Variants in EPN2 observed in about 807,000 individuals in gnomAD.
EPN2 encodes the protein epsin 2.
In EPN2, 34 loss-of-function variants were observed where a neutral mutation model predicts 61.7. The observed-to-expected ratio is 0.55, with a 90% CI of 0.42 to 0.73. EPN2 has a LOEUF of 0.73. Ranked by LOEUF, EPN2 falls within the 30% of genes least tolerant of loss-of-function variation. The probability of loss-of-function intolerance (pLI) is 0.00; values close to 1 mark genes in which losing one functional copy is unlikely to be tolerated. For synonymous variants in EPN2, 349 were observed against 353.6 expected (o/e 0.99, Z 0.15); for missense variants, 714 against 839.2 (o/e 0.85, Z 1.84).
At chr17:19,256,236 C>T (rs900364388) in intron 1 of EPN2, among the ~76,000 whole-genome samples, 4 of 151,942 alleles carry the variant, frequency 2.6e-5, no homozygotes, top group African/African-American at 9.7e-5. Context: ...CGCGCCTGGC[C>T]CCAGTCCTTC....
At position 19,279,079 on chromosome 17, in the gene EPN2, T is replaced by C. The variant is rs189308029; in HGVS notation, c.-293-2876T>C. Among the ~76,000 whole-genome samples, 47 of 152,254 alleles carry C rather than the reference T, an allele frequency of 3.1e-4. 1 individual carries two copies. The highest frequency in any genetic ancestry group is 1.6e-4 in the Non-Finnish European group (11 of 68,038). On this transcript the variant is annotated intron_variant, in intron 1 of 10. Transcript: ENST00000314728. Reference sequence around the variant, plus strand: ...CAGTATTTTATTATTTTATTAGCTTTTTCCTTTTTCCTGAAGTTTAAGTAT... The same window carrying C: ...CAGTATTTTATTATTTTATTAGCTTCTTCCTTTTTCCTGAAGTTTAAGTAT...
chr17:19,262,133 G>A (rs1394758073), intron 1 of EPN2, among the ~76,000 whole-genome samples: 2 of 152,168 alleles, frequency 1.3e-5, no homozygotes, highest in African/African-American at 4.8e-5. Context: ...GTTGCAATGA[G>A]CTGAGATTGT....
chr17:19,320,348 T>G (rs1458283452), intron 7 of EPN2, among the ~76,000 whole-genome samples: 3 of 152,132 alleles, frequency 2.0e-5, no homozygotes, highest in Non-Finnish European at 4.4e-5. Context: ...CAAATGTTGC[T>G]TGGATAGAAC....
rs778468077 is a variant in EPN2 at position 19,331,957 on chromosome 17, C to T, written c.1516C>T (p.Arg506Trp). Residue 506 changes from arginine (R) to tryptophan (W), a missense_variant, in exon 10 of 11, where the codon CGG (arginine) becomes TGG (tryptophan). Arg to Trp is a moderately radical substitution (Grantham distance 101, BLOSUM62 -3). Coordinates refer to ENST00000314728, the MANE Select transcript of EPN2 (RefSeq NM_014964.5). ...TVASSKPSSA[R>W]KTPESFLGPN... ...CGCCTCAAGCAAGCCCAGCAGTGCC[C>T]GGAAAACACCTGAGTCCTTCCTGGG... The T allele has an allele frequency of 8.1e-6, 13 of 1,614,170 alleles. No homozygotes were observed. Among genetic ancestry groups the T allele is most frequent in the Admixed American group, 1.7e-5 (1 of 60,026 alleles).
Position 19,283,591 on chromosome 17 carries a change from G to T in EPN2, c.472G>T (p.Ala158Ser). ...AACCAAAGAGCGCATGGCCCAGGTT[G>T]CCACTGGCATGGGCAGCAACCAGAT... ...LKTKERMAQV[A>S]TGMGSNQITF... Residue 158 changes from alanine (A) to serine (S), a missense_variant, in exon 3 of 11, where the codon GCC (alanine) becomes TCC (serine). By Grantham distance (99) the Ala-to-Ser change is moderately conservative. Transcript: ENST00000314728. The surrounding 1 kb of genome is among the most constrained non-coding windows in gnomAD (Gnocchi z 7.0). 2.5e-6 allele frequency: 4 copies of T among 1,614,192 alleles called. No individual in the cohort carries two copies. The South Asian group carries it at 4.4e-5, about 18-fold the overall frequency.
rs766795935 is a variant in EPN2, at chr17:19,328,727, C to G, written c.1164C>G (p.Ala388=). Residue 388 remains alanine (A), a synonymous_variant, in exon 8 of 11, where the codon GCC becomes GCG. Coordinates refer to ENST00000314728, the MANE Select transcript of EPN2 (RefSeq NM_014964.5). ...TTCCAACAGGTACCAAGCCAGCTGC[C>G]TCCATTGACCCATGGGGGGTGCCCA... ...PWPSFGTKPA[A]SIDPWGVPTG... is the part of the protein sequence containing the mutation. 1 of 1,608,946 alleles carries G rather than the reference C, an allele frequency of 6.2e-7. No individual in the cohort carries two copies. The highest frequency in any genetic ancestry group is 8.5e-7 in the Non-Finnish European group (1 of 1,176,894).
chr17:19,318,565 A>AAAAAAAAAAAAT (rs1469635695), intron 7 of EPN2, among the ~76,000 whole-genome samples: 1 of 145,282 alleles, frequency 6.9e-6, no homozygotes, highest in African/African-American at 2.5e-5. Flanking sequence ...AAAAAAAAAA[A>AAAAAAAAAAAAT]AAGAGTAGGG....
intron 4 of EPN2, among the ~76,000 whole-genome samples, chr17:19,289,724 G>GTTTTGTTT (rs772230550): frequency 2.6e-5 from 2 of 78,028 alleles, no homozygotes; most frequent in South Asian, 5.8e-4. Context: ...GGCGCTCATG[G>GTTTTGTTT]TTTTTTTTTT....
chr17:19,262,076 A>G (rs1389949790), intron 1 of EPN2, among the ~76,000 whole-genome samples: 1 of 152,132 alleles, frequency 6.6e-6, no homozygotes, highest in African/African-American at 2.4e-5. Flanking sequence ...AGTCCCAGCT[A>G]CTTGGGAGGC....
intron 7 of EPN2, among the ~76,000 whole-genome samples, chr17:19,328,375 C>T (rs2152239199): frequency 6.6e-6 from 1 of 152,198 alleles, no homozygotes; most frequent in East Asian, 1.9e-4. Context: ...GATAGTCCAT[C>T]GAAGTGGGGT....
chr17:19,312,293 G>A lies in EPN2; in HGVS notation c.972+149G>A, dbSNP rs1906180242. ...TCATGCCTGTAGTGAGCGAGAGCCA[G>A]GTGAGCAAGCGACTGAAAACACACC... On this transcript the variant is annotated intron_variant, in intron 6 of 10. Coordinates refer to ENST00000314728, the MANE Select transcript of EPN2 (RefSeq NM_014964.5). 9.5e-6 allele frequency: 6 copies of A among 632,184 alleles called. No individual in the cohort carries two copies. In the South Asian group the frequency reaches 1.1e-4, roughly 11 times the overall value. 39.2% of individuals were successfully genotyped at this position (632,184 alleles called of 1,614,324 possible).
chr17:19,288,272 C>T (rs777901099), intron 4 of EPN2, among the ~76,000 whole-genome samples: 16 of 152,236 alleles, frequency 1.1e-4, no homozygotes, highest in Non-Finnish European at 2.1e-4. Context: ...GCCCTCTGCT[C>T]TGTATTTATT....
At chr17:19,269,495 A>G (rs1199035909) in intron 1 of EPN2, among the ~76,000 whole-genome samples, 1 of 152,244 alleles carries the variant, frequency 6.6e-6, no homozygotes, top group Non-Finnish European at 1.5e-5. Context: ...CCAAAGAGGC[A>G]TCATTTCTTG....
Position 19,276,773 on chromosome 17 carries a change from G to GTTTTTTTTTTTTTTTTTTTTTTTTTTT in EPN2, c.-293-5164_-293-5163insTTTTTTTTTTTTTTTTTTTTTTTTTTT, listed in dbSNP as rs80078595. 5.0e-5 allele frequency among the ~76,000 whole-genome samples: 6 copies of GTTTTTTTTTTTTTTTTTTTTTTTTTTT among 119,328 alleles called. 1 individual carries two copies. Among genetic ancestry groups the GTTTTTTTTTTTTTTTTTTTTTTTTTTT allele is most frequent in the African/African-American group, 2.5e-4 (6 of 24,080 alleles). The allele number at this position is 119,328 out of a possible 152,430, so 78.3% of individuals were successfully genotyped here. A position where few individuals can be genotyped will look rare whatever the true frequency, so the allele number is the denominator to read the frequency against. ...GTCAGTATGTAATTTATGAGAATAAGTTTTTTTTTTTTTTTTTTGCTGTAT... is the reference window on the plus strand; with the variant it reads ...GTCAGTATGTAATTTATGAGAATAAGTTTTTTTTTTTTTTTTTTTTTTTTTTTTTTTTTTTTTTTTTTTTTGCTGTAT... On this transcript the variant is annotated intron_variant, in intron 1 of 10. Transcript: ENST00000314728.
At chr17:19,308,168 T>C (rs1452186933) in intron 4 of EPN2, 1 of 491,460 alleles carries the variant, frequency 2.0e-6, no homozygotes, top group Non-Finnish European at 2.6e-6. Context: ...CTGCCTTCTG[T>C]GTTCAAGCAA....
intron 1 of EPN2, among the ~76,000 whole-genome samples, chr17:19,261,188 A>AG (rs2045137980): frequency 6.6e-6 from 1 of 152,226 alleles, no homozygotes. Flanking sequence ...TGCCCTCTAC[A>AG]GGGCTTGTTC....
At chr17:19,264,408 C>T (rs1046134271) in intron 1 of EPN2, among the ~76,000 whole-genome samples, 2 of 152,058 alleles carry the variant, frequency 1.3e-5, no homozygotes, top group Non-Finnish European at 2.9e-5. Flanking sequence ...GAAGAGGGCC[C>T]GTCAAAAGCA....
rs8075809 is a variant in EPN2 at position 19,324,240 on chromosome 17, A to G, written c.1148-4471A>G. Among the ~76,000 whole-genome samples the G allele has an allele frequency of 4.9e-3, 752 of 152,350 alleles. 4 individuals are homozygous for G. Among genetic ancestry groups the G allele is most frequent in the African/African-American group, 0.018 (733 of 41,572 alleles). ...ATGTAAAAAATCAGTTAAAAGGATA[A>G]GTAGAAAACCTTCATACACCTAAAA... On this transcript the variant is annotated intron_variant, in intron 7 of 10. Coordinates refer to ENST00000314728, the MANE Select transcript of EPN2 (RefSeq NM_014964.5).
chr17:19,267,319 C>T (rs2045210036), intron 1 of EPN2, among the ~76,000 whole-genome samples: 1 of 151,632 alleles, frequency 6.6e-6, no homozygotes, highest in Non-Finnish European at 1.5e-5. Context: ...GTGATGATTG[C>T]ACAACATTGT....
Sources: gnomAD v4.1 joint callset for allele counts (sites outside exome capture counted in the v4.1 genomes callset) on GRCh38, gnomAD v4.1.1 for gene constraint, Gnocchi (gnomAD v3.1) non-coding constraint, MANE v1.5 for transcripts, NCBI Gene and HGNC (gene_info 2026-07-23, HGNC 2026-07-21) for gene names.